The following TUSC3 variants were observed in gnomAD, a reference collection of about 807,000 sequenced individuals.
The protein encoded by TUSC3 is tumor suppressor candidate 3, also known as dolichyl-diphosphooligosaccharide--protein glycosyltransferase subunit TUSC3.
In TUSC3, 45 loss-of-function variants were observed where a neutral mutation model predicts 44.8. The ratio of observed to expected loss-of-function variants is 1.00; its 90% CI spans 0.79 to 1.29. The LOEUF (loss-of-function observed/expected upper bound fraction) is 1.29. Among genes scored for constraint, TUSC3 ranks in the 50% most tolerant of loss-of-function variants. TUSC3 has a pLI of 0.00. For missense variants in TUSC3, 519 were observed against 437.9 expected (o/e 1.19, Z -1.65); for synonymous variants, 212 against 152.9 (o/e 1.39, Z -2.85).
chr8:15,604,799 AT>A (rs11298461), intron 1 of TUSC3, among the ~76,000 whole-genome samples: 35,410 of 151,454 alleles, frequency 0.23, 4,505 homozygotes, highest in African/African-American at 0.33. Flanking sequence ...ATAGCCCTAC[AT>A]TTTTTCTATA....
chr8:15,752,461 A>G (rs956464889), intron 9 of TUSC3, among the ~76,000 whole-genome samples: 4 of 152,126 alleles, frequency 2.6e-5, no homozygotes, highest in Non-Finnish European at 4.4e-5. Flanking sequence ...ATTTGGGTGA[A>G]TTTTATGACA....
At chr8:15,606,704 A>C (rs1269383883) in intron 1 of TUSC3, among the ~76,000 whole-genome samples, 7 of 152,098 alleles carry the variant, frequency 4.6e-5, no homozygotes, top group Non-Finnish European at 5.9e-5. Context: ...TGCTTCAGTG[A>C]ATATCCTTTT....
chr8:15,497,362 T>C (rs1321821624), intron 2 of TUSC3, among the ~76,000 whole-genome samples: 2 of 152,142 alleles, frequency 1.3e-5, no homozygotes, highest in Admixed American at 6.5e-5. Flanking sequence ...CCAAATCTTT[T>C]ATAATGAGCA....
chr8:15,611,777 A>AT (rs1804772365), intron 1 of TUSC3, among the ~76,000 whole-genome samples: 1 of 152,086 alleles, frequency 6.6e-6, no homozygotes, highest in African/African-American at 2.4e-5. Flanking sequence ...TTAATCTCTG[A>AT]TTTTTTGGTT....
chr8:15,599,498 T>G (rs1804194690), intron 1 of TUSC3, among the ~76,000 whole-genome samples: 1 of 151,774 alleles, frequency 6.6e-6, no homozygotes, highest in South Asian at 2.1e-4. Flanking sequence ...ATCTAAAAAG[T>G]CATCGCCATA....
chr8:15,825,885 CTTTT>C, the TUSC3 span, among the ~76,000 whole-genome samples: 4,840 of 120,346 alleles, frequency 0.04, 269 homozygotes, highest in African/African-American at 0.13. Context: ...ACAGTTGTTT[CTTTT>C]TTTTTTTTTT....
intron 1 of TUSC3, among the ~76,000 whole-genome samples, chr8:15,542,801 G>T (rs1213716004): frequency 1.3e-5 from 2 of 152,186 alleles, no homozygotes; most frequent in Non-Finnish European, 2.9e-5. Context: ...TTTCTCCTAA[G>T]TAGGAGCACT....
At chr8:15,464,592 G>T (rs370492258) in intron 1 of TUSC3, among the ~76,000 whole-genome samples, 2 of 152,244 alleles carry the variant, frequency 1.3e-5, no homozygotes, top group South Asian at 2.1e-4. Context: ...TAATATATCA[G>T]TCTTTTATAT....
the TUSC3 span, among the ~76,000 whole-genome samples, chr8:15,836,376 C>T: frequency 5.3e-5 from 8 of 150,886 alleles, no homozygotes; most frequent in East Asian, 1.6e-3. Context: ...TACTCGGATG[C>T]TGAGGCAGCA....
At chr8:15,832,861 TTAGA>T in the TUSC3 span, among the ~76,000 whole-genome samples, 1 of 152,088 alleles carries the variant, frequency 6.6e-6, no homozygotes, top group Non-Finnish European at 1.5e-5. Context: ...AATGACAGTA[TTAGA>T]TAGATCATCA....
intron 6 of TUSC3, among the ~76,000 whole-genome samples, chr8:15,727,324 C>T (rs1194014325): frequency 6.6e-6 from 1 of 152,102 alleles, no homozygotes; most frequent in East Asian, 1.9e-4. Flanking sequence ...ACTCTTATAG[C>T]TTTTGGTGTG....
the TUSC3 span, among the ~76,000 whole-genome samples, chr8:15,777,082 C>G: frequency 3.2e-4 from 48 of 152,226 alleles, no homozygotes; most frequent in Middle Eastern, 3.4e-3. Flanking sequence ...TCTTTTCCAG[C>G]TAGAATCTTC....
At chr8:15,437,668 C>G (rs7833038) in intron 1 of TUSC3, among the ~76,000 whole-genome samples, 24,772 of 152,168 alleles carry the variant, frequency 0.16, 2,088 homozygotes, top group Middle Eastern at 0.22. Flanking sequence ...AAGTAGGACT[C>G]GCTTTGAAAT....
chr8:15,701,324 T>C, intron 6 of TUSC3, among the ~76,000 whole-genome samples: 1 of 152,174 alleles, frequency 6.6e-6, no homozygotes, highest in South Asian at 2.1e-4. Flanking sequence ...TTGCCTATGC[T>C]TGAAGTTCCC....
intron 1 of TUSC3, among the ~76,000 whole-genome samples, chr8:15,425,251 T>C (rs1799789504): frequency 6.6e-6 from 1 of 152,202 alleles, no homozygotes; most frequent in African/African-American, 2.4e-5. Context: ...CAAAGCACTA[T>C]TCAGGGCCCA....
At chr8:15,485,524 A>G in intron 2 of TUSC3, among the ~76,000 whole-genome samples, 1 of 139,256 alleles carries the variant, frequency 7.2e-6, no homozygotes, top group South Asian at 2.3e-4. Flanking sequence ...GTGCAGGGCC[A>G]CTTGCATTCT....
At chr8:15,785,553 G>A in the TUSC3 span, among the ~76,000 whole-genome samples, 1 of 151,740 alleles carries the variant, frequency 6.6e-6, no homozygotes, top group African/African-American at 2.4e-5. Flanking sequence ...GGACAGGGGG[G>A]AGTTGGGGGA....
At position 15,606,006 on chromosome 8, in the gene TUSC3, C is replaced by T. The variant is rs574468402; in HGVS notation, c.139-17074C>T. On this transcript the variant is annotated intron_variant, in intron 1 of 10. Coordinates refer to ENST00000503731, the MANE Select transcript of TUSC3 (RefSeq NM_006765.4). ...CATATTGCAGTAAACAGTGATCACC[C>T]GAGGTTCTCCTGTATTTTTCATTCT... is the stretch of plus-strand genomic sequence containing the variant. 4.6e-5 allele frequency among the ~76,000 whole-genome samples: 7 copies of T among 152,008 alleles called. No homozygotes were observed. In the East Asian group the frequency reaches 5.8e-4, roughly 13 times the overall value.
chr8:15,710,230 T>G (rs1809787634), intron 6 of TUSC3, among the ~76,000 whole-genome samples: 1 of 151,968 alleles, frequency 6.6e-6, no homozygotes, highest in Non-Finnish European at 1.5e-5. Flanking sequence ...TTCCTCTTAA[T>G]TTAATAATGC....
Sources: allele counts gnomAD v4.1 joint callset (sites outside exome capture counted in the v4.1 genomes callset), GRCh38; gene constraint gnomAD v4.1.1; transcripts MANE v1.5; gene names NCBI Gene and HGNC (gene_info 2026-07-23, HGNC 2026-07-21).